PPP2R5A: variants seen among roughly 807,000 people sequenced by gnomAD.
PPP2R5A encodes serine/threonine-protein phosphatase 2A 56 kDa regulatory subunit alpha isoform.
PPP2R5A carries 25 observed loss-of-function variants against 64.2 expected under a neutral mutation model. The ratio of observed to expected loss-of-function variants is 0.39; its 90% CI spans 0.28 to 0.54. PPP2R5A has a LOEUF of 0.54. Among genes scored for constraint, PPP2R5A ranks in the 20% least tolerant of loss-of-function variants. The pLI is 0.67. For synonymous variants in PPP2R5A, 198 were observed against 201.2 expected, an observed-to-expected ratio of 0.98 and a Z score of 0.13; for missense variants, 425 against 576.3, an observed-to-expected ratio of 0.74 and a Z score of 2.69.
intron 1 of PPP2R5A, among the ~76,000 whole-genome samples, chr1:212,312,179 A>G (rs999577949): frequency 1.3e-5 from 2 of 152,242 alleles, no homozygotes; most frequent in African/African-American, 4.8e-5. Context: ...GTATAGTAGC[A>G]TGCTGACAGT....
intron 8 of PPP2R5A, among the ~76,000 whole-genome samples, chr1:212,351,106 A>AAAAAAAC (rs1272040352): frequency 6.8e-6 from 1 of 148,050 alleles, no homozygotes; most frequent in East Asian, 2.0e-4. Flanking sequence ...ATGACACAAA[A>AAAAAAAC]AAAAAAACAA....
At chr1:212,308,658 C>T (rs1658966611) in intron 1 of PPP2R5A, among the ~76,000 whole-genome samples, 1 of 152,156 alleles carries the variant, frequency 6.6e-6, no homozygotes, top group Admixed American at 6.5e-5. Context: ...ATCCTCCCGC[C>T]TCGGCCTCCC....
intron 1 of PPP2R5A, among the ~76,000 whole-genome samples, chr1:212,328,400 A>G (rs1036256179): frequency 6.6e-6 from 1 of 152,220 alleles, no homozygotes; most frequent in African/African-American, 2.4e-5. Context: ...ATGTGGGAAG[A>G]AGGGCATTCC....
chr1:212,331,059 T>TCA (rs1342921572), intron 2 of PPP2R5A, among the ~76,000 whole-genome samples: 4 of 151,506 alleles, frequency 2.6e-5, no homozygotes, highest in Admixed American at 1.3e-4. Flanking sequence ...TCCCAACTAT[T>TCA]TGGGAGGCTG....
chr1:212,289,689 G>A (rs1368474580), intron 1 of PPP2R5A, among the ~76,000 whole-genome samples: 1 of 152,046 alleles, frequency 6.6e-6, no homozygotes, highest in Admixed American at 6.6e-5. Context: ...AATAATTTAA[G>A]TGCCTAAAAA....
At chr1:212,300,343 T>C (rs775159264) in intron 1 of PPP2R5A, among the ~76,000 whole-genome samples, 7 of 152,218 alleles carry the variant, frequency 4.6e-5, no homozygotes, top group Admixed American at 6.5e-5. Flanking sequence ...ATACAATACT[T>C]GCTGTGAGTC....
chr1:212,329,917 T>C (rs989747118), intron 2 of PPP2R5A, among the ~76,000 whole-genome samples: 2 of 152,264 alleles, frequency 1.3e-5, no homozygotes, highest in African/African-American at 4.8e-5. Context: ...ATGCTGGGAT[T>C]ATAGGCGTGA....
intron 1 of PPP2R5A, chr1:212,301,734 G>C: frequency 1.2e-6 from 1 of 866,286 alleles, no homozygotes; most frequent in Non-Finnish European, 1.4e-6. Context: ...CCTATATTCT[G>C]TGCCAGTTTC....
Position 212,357,260 on chromosome 1 carries a change from A to G in PPP2R5A, c.1202A>G (p.Lys401Arg), listed in dbSNP as rs778179116. Residue 401 changes from lysine to arginine, a missense_variant, in exon 11 of 13, where the codon AAA becomes AGA. By Grantham distance (26) the Lys-to-Arg change is conservative. This residue lies in a region of PPP2R5A where 177 missense variants were observed against 244.8 expected (regional missense o/e 0.72). Transcript: ENST00000261461. ...CCAATTATGTTTGCCAGTTTGTACA[A>G]AATTTCCAAAGAACACTGGAATCCG... is the stretch of plus-strand genomic sequence containing the variant. ...ILPIMFASLY[K>R]ISKEHWNPTI... The G allele has an allele frequency of 6.3e-7, 1 of 1,586,244 alleles. No individual in the cohort carries two copies. The highest frequency in any genetic ancestry group is 1.2e-5 in the South Asian group (1 of 84,532).
intron 8 of PPP2R5A, among the ~76,000 whole-genome samples, chr1:212,350,431 A>ATAAG (rs1007288239): frequency 2.0e-5 from 3 of 152,164 alleles, no homozygotes; most frequent in Non-Finnish European, 4.4e-5. Context: ...AGGCAGGCAG[A>ATAAG]TAACTTGAGG....
At position 212,347,371 on chromosome 1, in the gene PPP2R5A, C is replaced by A; in HGVS notation, c.729C>A (p.Phe243Leu). ...GGTTTATATATGAAACAGAACATTT[C>A]AATGGTGTTGCTGAACTTCTTGAAA... Reference protein sequence around the residue: ...FLRFIYETEHFNGVAELLEIL... With the variant: ...FLRFIYETEHLNGVAELLEIL... The change falls in exon 6 of 13, where the codon TTC becomes TTA. Residue 243 changes from phenylalanine (F) to leucine (L), a missense_variant. Transcript: ENST00000261461. 1 of 1,594,290 alleles carries A rather than the reference C, an allele frequency of 6.3e-7. No homozygotes were observed. Among genetic ancestry groups the A allele is most frequent in the Non-Finnish European group, 8.6e-7 (1 of 1,164,350 alleles).
intron 3 of PPP2R5A, chr1:212,334,112 C>A (rs974232686): frequency 1.3e-5 from 2 of 152,164 alleles, no homozygotes; most frequent in African/African-American, 4.8e-5. Flanking sequence ...ATACTTCATT[C>A]CTTTTTATGG....
At chr1:212,301,809 A>G (rs1013856033) in intron 1 of PPP2R5A, 2 of 1,176,240 alleles carry the variant, frequency 1.7e-6, no homozygotes, top group Non-Finnish European at 2.1e-6. Context: ...GGTTGCTATG[A>G]TACAGTGCTT....
Position 212,288,458 on chromosome 1 carries a change from A to C in PPP2R5A, c.181+2167A>C, listed in dbSNP as rs1049428014. On this transcript the variant is annotated intron_variant, in intron 1 of 12. Transcript: ENST00000261461. ...GAAAGTAAATTGGAACTTTACATTA[A>C]TTGTAGATATTTGCATGAAAATACA... Among the ~76,000 whole-genome samples the C allele has an allele frequency of 3.9e-5, 6 of 152,226 alleles. No homozygotes were observed. In the East Asian group the frequency reaches 1.2e-3, roughly 29 times the overall value.
rs190363569 is a variant in PPP2R5A, at chr1:212,290,561, C to T, written c.181+4270C>T. 1.0e-3 allele frequency among the ~76,000 whole-genome samples: 152 copies of T among 152,248 alleles called. 1 individual carries two copies. Among genetic ancestry groups the T allele is most frequent in the South Asian group, 4.2e-4 (2 of 4,816 alleles). ...TTTAGGATATTCTTAAGAGAAATTG[C>T]TAAATAAAGTGTTCACTGCTAGTCC... On this transcript the variant is annotated intron_variant, in intron 1 of 12. Coordinates refer to ENST00000261461, the MANE Select transcript of PPP2R5A (RefSeq NM_006243.4).
intron 1 of PPP2R5A, chr1:212,313,920 A>G (rs532544775): frequency 1.3e-5 from 2 of 152,208 alleles, no homozygotes; most frequent in Non-Finnish European, 2.9e-5. Flanking sequence ...GGTTCCACCA[A>G]AATACCCTAT....
intron 7 of PPP2R5A, 57 bp from the exon 8 acceptor site, chr1:212,349,132 T>C: frequency 8.2e-7 from 1 of 1,215,744 alleles, no homozygotes; most frequent in Non-Finnish European, 1.1e-6. Context: ...AATATAAAAA[T>C]CCTACATTAT....
intron 1 of PPP2R5A, among the ~76,000 whole-genome samples, chr1:212,328,928 A>T (rs6675634): frequency 0.079 from 11,488 of 145,404 alleles, 1,144 homozygotes; most frequent in African/African-American, 0.24. Flanking sequence ...CTTTAAAAAA[A>T]TTTTTTTAAT....
intron 8 of PPP2R5A, among the ~76,000 whole-genome samples, chr1:212,354,738 G>T (rs1161967672): frequency 6.6e-6 from 1 of 151,518 alleles, no homozygotes; most frequent in African/African-American, 2.4e-5. Context: ...GAGAGAGAGA[G>T]AGAGAGAGAA....
Sources: allele counts gnomAD v4.1 joint callset (sites outside exome capture counted in the v4.1 genomes callset), GRCh38; gene constraint gnomAD v4.1.1; regional missense constraint gnomAD v4.1.1; transcripts MANE v1.5; gene names NCBI Gene and HGNC (gene_info 2026-07-23, HGNC 2026-07-21).